KCNN2: variants seen among roughly 807,000 people sequenced by gnomAD.
The protein encoded by KCNN2 is small conductance calcium-activated potassium channel protein 2.
Under a neutral mutation model 55.5 loss-of-function variants are expected in KCNN2, and 24 were observed. The ratio of observed to expected loss-of-function variants is 0.43; its 90% CI spans 0.31 to 0.61. KCNN2 has a LOEUF of 0.61. Ranked by LOEUF, KCNN2 falls within the 20% of genes least tolerant of loss-of-function variation. The probability of loss-of-function intolerance (pLI) is 0.08; values close to 1 mark genes in which losing one functional copy is unlikely to be tolerated. For missense variants in KCNN2, 754 were observed against 853.6 expected (o/e 0.88, Z 1.45); for synonymous variants, 431 against 336.1 (o/e 1.28, Z -3.09).
rs1022797682 is a variant in KCNN2, at chr5:114,423,596, T to C, written c.1637+18740T>C. The stretch of plus-strand genomic sequence containing the variant: ...GATATAAAATTTCTTACCCATTATC[T>C]TATTTACAAATATATATATTGGCAT... On this transcript the variant is annotated intron_variant, in intron 3 of 7. Transcript: ENST00000673685. Among the ~76,000 whole-genome samples the C allele has an allele frequency of 3.3e-5, 5 of 152,298 alleles. No individual in the cohort carries two copies. The East Asian group carries it at 7.7e-4, about 23-fold the overall frequency.
intron 1 of KCNN2, among the ~76,000 whole-genome samples, chr5:114,152,337 A>C (rs866054833): frequency 6.6e-6 from 1 of 152,236 alleles, no homozygotes; most frequent in Non-Finnish European, 1.5e-5. Flanking sequence ...ATCTAACGTC[A>C]TACTATTCTT....
intron 3 of KCNN2, among the ~76,000 whole-genome samples, chr5:114,423,894 A>G (rs887614981): frequency 6.6e-6 from 1 of 152,232 alleles, no homozygotes; most frequent in Non-Finnish European, 1.5e-5. Context: ...CAGAAGGAAC[A>G]GCATAAATAC....
intron 1 of KCNN2, among the ~76,000 whole-genome samples, chr5:114,124,451 C>G (rs1205300633): frequency 6.6e-6 from 1 of 152,092 alleles, no homozygotes; most frequent in Non-Finnish European, 1.5e-5. Context: ...AAACTGCAGC[C>G]TCAAAAACCA....
chr5:114,202,144 G>A (rs1363450038), intron 1 of KCNN2, among the ~76,000 whole-genome samples: 3 of 152,044 alleles, frequency 2.0e-5, no homozygotes, highest in African/African-American at 7.2e-5. Flanking sequence ...TAGTAGCTGG[G>A]CTGTCAAAGT....
At chr5:114,465,373 G>C (rs1304003952) in intron 4 of KCNN2, among the ~76,000 whole-genome samples, 2 of 152,128 alleles carry the variant, frequency 1.3e-5, no homozygotes, top group Non-Finnish European at 2.9e-5. Flanking sequence ...AACACTTTGG[G>C]AGGCCGAGGC....
rs116832075 is a variant in KCNN2 at position 114,064,301 on chromosome 5, A to G, written c.-271+7801A>G. ...CCCTTTGGGTCCTGCTGCTTTTGTG[A>G]CTTGCTTTGAACAATAAAACTCAGT... On this transcript the variant is annotated intron_variant, in intron 1 of 10. Transcript: ENST00000512097. Among the ~76,000 whole-genome samples, 1,270 of 152,254 alleles carry G rather than the reference A, an allele frequency of 8.3e-3. 23 individuals are homozygous for G. The highest frequency in any genetic ancestry group is 0.029 in the African/African-American group (1,208 of 41,534).
chr5:114,433,437 C>G (rs1054048284), intron 3 of KCNN2: 4 of 152,208 alleles, frequency 2.6e-5, no homozygotes, highest in Admixed American at 2.0e-4. Flanking sequence ...AAACAGACCA[C>G]TCGGCTCTAC....
At chr5:114,151,547 A>AG (rs973439915) in intron 1 of KCNN2, among the ~76,000 whole-genome samples, 10 of 151,046 alleles carry the variant, frequency 6.6e-5, no homozygotes, top group African/African-American at 2.2e-4. Context: ...GAGATGTCCC[A>AG]GAAAAAAAAA....
intron 2 of KCNN2, among the ~76,000 whole-genome samples, chr5:114,399,931 T>G (rs531382387): frequency 5.0e-5 from 4 of 80,344 alleles, no homozygotes; most frequent in South Asian, 6.0e-4. Flanking sequence ...TTTTTTTTTG[T>G]TTTTTTTTTT....
intron 1 of KCNN2, among the ~76,000 whole-genome samples, chr5:114,129,635 C>T (rs376691082): frequency 9.2e-5 from 14 of 152,142 alleles, no homozygotes; most frequent in South Asian, 2.1e-4. Flanking sequence ...CCCAGTCCTC[C>T]GGTATTGGGA....
At chr5:114,417,422 T>C (rs986646781) in intron 3 of KCNN2, among the ~76,000 whole-genome samples, 1 of 152,344 alleles carries the variant, frequency 6.6e-6, no homozygotes. Flanking sequence ...TTTGGAGGTG[T>C]CGGTGTGAAG....
intron 3 of KCNN2, among the ~76,000 whole-genome samples, chr5:114,436,801 A>G (rs1455610985): frequency 6.6e-6 from 1 of 152,220 alleles, no homozygotes; most frequent in African/African-American, 2.4e-5. Context: ...GCTATCCAAT[A>G]GAACTTTCTG....
chr5:114,157,978 C>G (rs1026102011), intron 1 of KCNN2, among the ~76,000 whole-genome samples: 8 of 151,698 alleles, frequency 5.3e-5, no homozygotes, highest in African/African-American at 1.7e-4. Flanking sequence ...ATGGTAGTTT[C>G]TTTTGCTGTG....
intron 4 of KCNN2, among the ~76,000 whole-genome samples, chr5:114,465,561 G>A (rs1295631247): frequency 1.4e-4 from 21 of 151,332 alleles, no homozygotes; most frequent in South Asian, 2.1e-4. Flanking sequence ...GCAGTGAGCC[G>A]AGATTGCGCC....
chr5:114,205,190 G>A (rs1753744469), intron 1 of KCNN2, among the ~76,000 whole-genome samples: 1 of 152,064 alleles, frequency 6.6e-6, no homozygotes, highest in African/African-American at 2.4e-5. Context: ...AACACAAACT[G>A]CTAATAGGAC....
chr5:114,117,244 G>A (rs1465610534), intron 1 of KCNN2, among the ~76,000 whole-genome samples: 4 of 152,066 alleles, frequency 2.6e-5, no homozygotes, highest in Admixed American at 2.6e-4. Flanking sequence ...ACCTGCATTG[G>A]GTGTGGCCAC....
chr5:114,308,067 C>T (rs2150024982), intron 2 of KCNN2, among the ~76,000 whole-genome samples: 1 of 152,124 alleles, frequency 6.6e-6, no homozygotes, highest in Non-Finnish European at 1.5e-5. Flanking sequence ...TTATTTACTC[C>T]CGAGAAGAAA....
rs143581332 is a variant in KCNN2, at chr5:114,152,732, A to T, written c.-270-68748A>T. On this transcript the variant is annotated intron_variant, in intron 1 of 10. Coordinates refer to the KCNN2 transcript ENST00000512097. ...TAGCTATCTCTAAGGAGGAAATTTG[A>T]TCAGAGATCTAAAGGATGAGTAGGA... is the stretch of plus-strand genomic sequence containing the variant. Among the ~76,000 whole-genome samples, 567 of 152,240 alleles carry T rather than the reference A, an allele frequency of 3.7e-3. 1 individual carries two copies. The highest frequency in any genetic ancestry group is 0.013 in the African/African-American group (553 of 41,544).
chr5:114,269,149 T>C (rs1354668243), intron 2 of KCNN2, among the ~76,000 whole-genome samples: 1 of 152,156 alleles, frequency 6.6e-6, no homozygotes, highest in Non-Finnish European at 1.5e-5. Context: ...AAGTCAAGTT[T>C]TTCTAAGCAG....
Sources: gnomAD v4.1 joint callset for allele counts (sites outside exome capture counted in the v4.1 genomes callset) on GRCh38, gnomAD v4.1.1 for gene constraint, MANE v1.5 for transcripts, NCBI Gene and HGNC (gene_info 2026-07-23, HGNC 2026-07-21) for gene names.